The following ZBTB24 variants were observed in gnomAD, a reference collection of about 807,000 sequenced individuals.
The protein encoded by ZBTB24 is zinc finger and BTB domain-containing protein 24.
Under a neutral mutation model 53.8 loss-of-function variants are expected in ZBTB24, and 32 were observed. That is an observed-to-expected ratio of 0.60 (90% CI 0.45 to 0.80). The LOEUF (loss-of-function observed/expected upper bound fraction) is 0.80. ZBTB24 is among the 30% of genes least tolerant of loss of function. The pLI, the probability that ZBTB24 is intolerant of heterozygous loss-of-function variation, is 0.00. For synonymous variants in ZBTB24, 297 were observed against 306.7 expected (o/e 0.97, Z 0.33); for missense variants, 722 against 837.1 (o/e 0.86, Z 1.70).
In ZBTB24 at chr6:109,464,115, C is replaced by T. The variant is rs949770082; in HGVS notation, c.*1736G>A. ...TAAGAATAAAATTAAACAGTTTAAA[C>T]GAGAACCTGAAATAATACTTAGGGC... is the stretch of plus-strand genomic sequence containing the variant. On this transcript the variant is annotated 3_prime_UTR_variant, in exon 7 of 7. Transcript: ENST00000230122. The T allele has an allele frequency of 3.9e-5, 6 of 152,024 alleles. No individual in the cohort carries two copies. The highest frequency in any genetic ancestry group is 1.4e-4 in the African/African-American group (6 of 41,384). The allele number at this position is 152,024 out of a possible 1,614,324, so 9.4% of individuals were successfully genotyped here. A position where few individuals can be genotyped will look rare whatever the true frequency, so the allele number is the denominator to read the frequency against.
intron 2 of ZBTB24, among the ~76,000 whole-genome samples, chr6:109,477,982 T>C (rs1776315649): frequency 6.6e-6 from 1 of 152,188 alleles, no homozygotes; most frequent in South Asian, 2.1e-4. Flanking sequence ...AGTGGTTAAG[T>C]TAAACATTAA....
Position 109,463,912 on chromosome 6 carries a change from T to C in ZBTB24, c.*1939A>G, listed in dbSNP as rs958251002. ...TGTTCATGTTATAGTTCTCTTAGTG[T>C]AGAGGTAGACTGTTATAGAGCCAGT... On this transcript the variant is annotated 3_prime_UTR_variant, in exon 7 of 7. Transcript: ENST00000230122. 1.3e-5 allele frequency: 2 copies of C among 152,228 alleles called. No individual in the cohort carries two copies. The highest frequency in any genetic ancestry group is 3.8e-4 in the East Asian group (2 of 5,206). 9.4% of individuals were successfully genotyped at this position (152,228 alleles called of 1,614,324 possible). A position where few individuals can be genotyped will look rare whatever the true frequency, so the allele number is the denominator to read the frequency against.
intron 2 of ZBTB24, among the ~76,000 whole-genome samples, chr6:109,477,367 T>A (rs1776301859): frequency 6.6e-6 from 1 of 152,048 alleles, no homozygotes; most frequent in Non-Finnish European, 1.5e-5. Context: ...CCCAGGCAGG[T>A]CTCCAACTCC....
chr6:109,473,189 G>A (rs1382051312), intron 5 of ZBTB24, among the ~76,000 whole-genome samples: 1 of 152,202 alleles, frequency 6.6e-6, no homozygotes, highest in Admixed American at 6.5e-5. Flanking sequence ...CCCAGGTGAA[G>A]TCAATCAGAA....
In ZBTB24 at chr6:109,466,590, C is replaced by A. The variant is rs761002010; in HGVS notation, c.1371-16G>T. 9 of 1,605,312 alleles carry A rather than the reference C, an allele frequency of 5.6e-6. No homozygotes were observed. The East Asian group carries it at 2.0e-4, about 36-fold the overall frequency. ...CTTTTCTCCTCTGTAAGAAAATAAA[C>A]ATTTTATTTTTAAAATGGAAATACC... On this transcript the variant is annotated splice_polypyrimidine_tract_variant and intron_variant, in intron 6 of 6. Transcript: ENST00000230122.
chr6:109,474,537 C>G (rs1295436907), intron 5 of ZBTB24, among the ~76,000 whole-genome samples: 2 of 152,102 alleles, frequency 1.3e-5, no homozygotes, highest in African/African-American at 4.8e-5. Context: ...TCGAGACCAT[C>G]CTGGCCAACA....
At chr6:109,468,630 A>G (rs79499745) in intron 5 of ZBTB24, among the ~76,000 whole-genome samples, 2,748 of 152,122 alleles carry the variant, frequency 0.018, 94 homozygotes, top group African/African-American at 0.063. Flanking sequence ...CATATAATGT[A>G]TAAGTTATTT....
chr6:109,481,562 G>A lies in ZBTB24; in HGVS notation c.465C>T (p.Asn155=), dbSNP rs760385502. The A allele has an allele frequency of 6.2e-7, 1 of 1,614,150 alleles. No homozygotes were observed. Among genetic ancestry groups the A allele is most frequent in the South Asian group, 1.1e-5 (1 of 91,086 alleles). ...TTCCCCGTTTCCGCTTTGGAGGATC[G>A]TTTTTCTTATTAGAGATAACAACCA... The part of the protein sequence containing the change: ...APVVVISNKK[N]DPPKRKRGRP... The change falls in exon 2 of 7, where the codon AAC becomes AAT. Residue 155 remains asparagine (N), a synonymous_variant. Transcript: ENST00000230122.
At position 109,474,159 on chromosome 6, in the gene ZBTB24, A is replaced by AT. The variant is rs566530519; in HGVS notation, c.1288+1239dup. The stretch of plus-strand genomic sequence containing the variant: ...TTAGATAATTCCAGTAGACAACAGA[A>AT]TTATTAAATAACCTGTAATGGCAAG... On this transcript the variant is annotated intron_variant, in intron 5 of 6. Coordinates refer to ENST00000230122, the MANE Select transcript of ZBTB24 (RefSeq NM_014797.3). Among the ~76,000 whole-genome samples, 7 of 152,160 alleles carry AT rather than the reference A, an allele frequency of 4.6e-5. No individual in the cohort carries two copies. In the South Asian group the frequency reaches 1.4e-3, roughly 31 times the overall value.
In ZBTB24 at chr6:109,481,889, T is replaced by G; in HGVS notation, c.138A>C (p.Val46=). Residue 46 remains valine (V), a synonymous_variant, in exon 2 of 7, where the codon GTA becomes GTC. Transcript: ENST00000230122. ...GTAAGGCTTTGTGGGCCCGGAAATG[T>G]ACATTCTCCACGATTAAAGTAATGT... ...LCDITLIVEN[V]HFRAHKALLA... 6.2e-7 allele frequency: 1 copy of G among 1,614,202 alleles called. No individual in the cohort carries two copies. Among genetic ancestry groups the G allele is most frequent in the South Asian group, 1.1e-5 (1 of 91,080 alleles).
Position 109,480,801 on chromosome 6 carries a change from T to C in ZBTB24, c.952+274A>G, listed in dbSNP as rs1776388354. 9.1e-6 allele frequency: 4 copies of C among 438,632 alleles called. No individual in the cohort carries two copies. In the South Asian group the frequency reaches 2.9e-4, roughly 32 times the overall value. The allele number at this position is 438,632 out of a possible 1,614,324, so 27.2% of individuals were successfully genotyped here. On this transcript the variant is annotated intron_variant, in intron 2 of 6. Transcript: ENST00000230122. ...ACTAACGGGTGACTCTGGCAAGTTA[T>C]TTAAGCTCCCTAGAACTTGGTTGCT...
chr6:109,476,709 C>A (rs1776284495), intron 3 of ZBTB24, 54 bp downstream of exon 3: 9 of 1,593,594 alleles, frequency 5.6e-6, no homozygotes, highest in South Asian at 1.1e-5. Context: ...TGGTAATGCC[C>A]ACCCTGGGGA....
Position 109,466,217 on chromosome 6 carries a change from C to G in ZBTB24, c.1728G>C (p.Val576=). 1 of 1,614,210 alleles carries G rather than the reference C, an allele frequency of 6.2e-7. No homozygotes were observed. ...TCATGTTTTGGGAACTCTCTGCAGT[C>G]ACAATGCTGATTCCCTGGCTAGGAC... ...MPGPSQGISI[V]TAESSQNMTA... The change falls in exon 7 of 7, where the codon GTG becomes GTC. Residue 576 remains valine, a synonymous_variant. Coordinates refer to ENST00000230122, the MANE Select transcript of ZBTB24 (RefSeq NM_014797.3).
At chr6:109,482,516 G>A (rs571946295) in intron 1 of ZBTB24, among the ~76,000 whole-genome samples, 2 of 148,014 alleles carry the variant, frequency 1.4e-5, no homozygotes, top group African/African-American at 5.0e-5. Context: ...TTTTTGAGAC[G>A]GAGTCTCGCT....
chr6:109,476,090 C>T lies in ZBTB24; in HGVS notation c.1204+85G>A. ...CTATGTGAACGATATGTGCTAAGAG[C>T]AGAACAATATAAACCTAATGTTTCA... On this transcript the variant is annotated intron_variant, in intron 4 of 6. Transcript: ENST00000230122. The T allele has an allele frequency of 1.1e-5, 17 of 1,480,312 alleles. No individual in the cohort carries two copies. The South Asian group carries it at 1.8e-4, about 16-fold the overall frequency. 91.7% of individuals were successfully genotyped at this position (1,480,312 alleles called of 1,614,324 possible).
intron 2 of ZBTB24, 98 bp downstream of exon 2, chr6:109,480,977 C>T (rs766697273): frequency 6.4e-7 from 1 of 1,554,248 alleles, no homozygotes; most frequent in Non-Finnish European, 8.7e-7. Context: ...TATTACAATG[C>T]CCATCACACA....
intron 5 of ZBTB24, among the ~76,000 whole-genome samples, chr6:109,471,030 T>C (rs1469445211): frequency 1.3e-5 from 2 of 152,256 alleles, no homozygotes; most frequent in African/African-American, 4.8e-5. Context: ...ATGATGAATA[T>C]CCTTAGGCAA....
chr6:109,479,276 CA>C (rs1339871304), intron 2 of ZBTB24, among the ~76,000 whole-genome samples: 2 of 152,156 alleles, frequency 1.3e-5, no homozygotes, highest in Admixed American at 1.3e-4. Context: ...CTACATCTAA[CA>C]AACCCATCAT....
In ZBTB24 at chr6:109,476,269, A is replaced by C; in HGVS notation, c.1121-11T>G. 1 of 1,614,088 alleles carries C rather than the reference A, an allele frequency of 6.2e-7. No homozygotes were observed. Among genetic ancestry groups the C allele is most frequent in the Non-Finnish European group, 8.5e-7 (1 of 1,179,992 alleles). On this transcript the variant is annotated splice_polypyrimidine_tract_variant and intron_variant, in intron 3 of 6. Transcript: ENST00000230122. ...TAAAAGACTTCTGTCCTGCCAAAAA[A>C]ACCAAAACACTAAAACATGTAAAAA...
Sources: gnomAD v4.1 joint callset for allele counts (sites outside exome capture counted in the v4.1 genomes callset) on GRCh38, gnomAD v4.1.1 for gene constraint, MANE v1.5 for transcripts, NCBI Gene and HGNC (gene_info 2026-07-23, HGNC 2026-07-21) for gene names.